The following GPC4 variants were observed in gnomAD, a reference collection of about 807,000 sequenced individuals.
The protein encoded by GPC4 is glypican 4.
GPC4 carries 10 observed loss-of-function variants against 35.0 expected under a neutral mutation model. The observed-to-expected ratio is 0.29, with a 90% CI of 0.18 to 0.48. The LOEUF is 0.48. Ranked by LOEUF, GPC4 falls within the 20% of genes least tolerant of loss-of-function variation. GPC4 has a pLI of 0.99. For missense variants in GPC4, 322 were observed against 451.3 expected, an observed-to-expected ratio of 0.71 and a Z score of 2.60; for synonymous variants, 167 against 170.2, an observed-to-expected ratio of 0.98 and a Z score of 0.15.
intron 1 of GPC4, among the ~76,000 whole-genome samples, chrX:133,343,134 C>G (rs1033014462): frequency 4.5e-5 from 5 of 111,731 alleles, no homozygotes; most frequent in African/African-American, 1.6e-4. Flanking sequence ...AACAAGGGCT[C>G]TAGGTGATTC....
At position 133,301,414 on chromosome X, in the gene GPC4, G is replaced by C. The variant is rs1313633511; in HGVS notation, c.*1453C>G. On this transcript the variant is annotated 3_prime_UTR_variant, in exon 9 of 9. Coordinates refer to ENST00000370828, the MANE Select transcript of GPC4 (RefSeq NM_001448.3). ...ATCAGAGTTTTATGAGCTATCATTT[G>C]GTAAGGACACAAGGAAGGGATTCCC... The C allele has an allele frequency of 8.9e-6, 1 of 112,571 alleles. No individual in the cohort carries two copies. The highest frequency in any genetic ancestry group is 3.2e-5 in the African/African-American group (1 of 30,980). The allele number at this position is 112,571 out of a possible 1,213,427, so 9.3% of individuals were successfully genotyped here. A position where few individuals can be genotyped will look rare whatever the true frequency, so the allele number is the denominator to read the frequency against.
chrX:133,333,444 C>T (rs1453517845), intron 2 of GPC4, among the ~76,000 whole-genome samples: 5 of 112,774 alleles, frequency 4.4e-5, no homozygotes, highest in Non-Finnish European at 7.5e-5. Flanking sequence ...CAATTGGTCA[C>T]ACTTCAGATA....
At chrX:133,413,749 G>A (rs1240154851) in intron 1 of GPC4, among the ~76,000 whole-genome samples, 1 of 112,155 alleles carries the variant, frequency 8.9e-6, no homozygotes, top group African/African-American at 3.2e-5. Context: ...CGGCCGGCGG[G>A]GCTGCGCGCA....
chrX:133,374,930 C>G (rs2068627250), intron 1 of GPC4, among the ~76,000 whole-genome samples: 1 of 112,049 alleles, frequency 8.9e-6, no homozygotes, highest in Admixed American at 9.5e-5. Context: ...CCCCAGCAAC[C>G]TTCAGGTTTG....
intron 1 of GPC4, among the ~76,000 whole-genome samples, chrX:133,349,334 G>A (rs544333594): frequency 1.8e-5 from 2 of 112,274 alleles, no homozygotes; most frequent in African/African-American, 6.5e-5. Context: ...CTCCCCTAGG[G>A]GCTGAATCAA....
At chrX:133,386,136 G>A (rs1013111165) in intron 1 of GPC4, among the ~76,000 whole-genome samples, 6 of 108,479 alleles carry the variant, frequency 5.5e-5, no homozygotes. Context: ...TTGGGAGACT[G>A]AGGTGGGAGG....
At chrX:133,387,743 T>G (rs2068698717) in intron 1 of GPC4, among the ~76,000 whole-genome samples, 1 of 111,715 alleles carries the variant, frequency 9.0e-6, no homozygotes, top group South Asian at 3.8e-4. Flanking sequence ...TAATCATACT[T>G]CGAAATGTTT....
chrX:133,334,247 T>C (rs1048172204), intron 2 of GPC4, among the ~76,000 whole-genome samples: 1 of 112,007 alleles, frequency 8.9e-6, no homozygotes, highest in African/African-American at 3.2e-5. Flanking sequence ...CTGCTAAGTC[T>C]GAAGAGTGCT....
chrX:133,311,549 A>G, intron 3 of GPC4, 126 bp from the exon 4 acceptor site: 1 of 635,473 alleles, frequency 1.6e-6, no homozygotes, highest in Non-Finnish European at 2.6e-6. Flanking sequence ...GATCACAATT[A>G]GTAAGCCTGG....
At chrX:133,303,141 G>A (rs751043440) in intron 8 of GPC4, 25 bp downstream of exon 8, 23 of 1,206,280 alleles carry the variant, frequency 1.9e-5, no homozygotes, top group South Asian at 5.3e-5. Context: ...AGAGCAATTC[G>A]TACTTTCAAA....
At chrX:133,354,058 A>G (rs1437668242) in intron 1 of GPC4, among the ~76,000 whole-genome samples, 2 of 111,876 alleles carry the variant, frequency 1.8e-5, no homozygotes, top group Non-Finnish European at 3.8e-5. Context: ...AAATTCAAGG[A>G]CCTAATTTTG....
chrX:133,368,189 T>C (rs2068598074), intron 1 of GPC4, among the ~76,000 whole-genome samples: 2 of 112,804 alleles, frequency 1.8e-5, no homozygotes, highest in African/African-American at 6.4e-5. Flanking sequence ...AAACATGGCA[T>C]ACCTGTTAAA....
At position 133,304,660 on chromosome X, in the gene GPC4, C is replaced by G. The variant is rs762493703; in HGVS notation, c.1292+65G>C. On this transcript the variant is annotated intron_variant, in intron 7 of 8. Transcript: ENST00000370828. The stretch of plus-strand genomic sequence containing the variant: ...GCCTCGGTTGACAATTGAGAGAACC[C>G]TCTCTGAAGGTCACCCAGGCATCTA... 3 of 1,166,444 alleles carry G rather than the reference C, an allele frequency of 2.6e-6. No individual in the cohort carries two copies. The African/African-American group carries it at 5.3e-5, about 21-fold the overall frequency.
Position 133,305,935 on chromosome X carries a change from G to A in GPC4, c.1009-17C>T. 8 of 1,211,014 alleles carry A rather than the reference G, an allele frequency of 6.6e-6. No individual in the cohort carries two copies. The highest frequency in any genetic ancestry group is 7.8e-6 in the Non-Finnish European group (7 of 895,045). ...CTGGAAAACCTGCATTAGAGTAAGT[G>A]TCGTCATGTTAGGGAAGTCACTCCC... On this transcript the variant is annotated splice_polypyrimidine_tract_variant and intron_variant, in intron 5 of 8. Coordinates refer to ENST00000370828, the MANE Select transcript of GPC4 (RefSeq NM_001448.3).
At chrX:133,326,372 A>G (rs1231791260) in intron 2 of GPC4, among the ~76,000 whole-genome samples, 1 of 111,762 alleles carries the variant, frequency 8.9e-6, no homozygotes, top group Non-Finnish European at 1.9e-5. Flanking sequence ...CATCACTTGG[A>G]CACTTGCTAT....
chrX:133,395,916 G>C (rs2068740741), intron 1 of GPC4, among the ~76,000 whole-genome samples: 1 of 111,499 alleles, frequency 9.0e-6, no homozygotes, highest in Non-Finnish European at 1.9e-5. Context: ...AGAGATATGA[G>C]ATGAGAAAGG....
At chrX:133,400,275 C>A (rs753412018) in intron 1 of GPC4, among the ~76,000 whole-genome samples, 16 of 112,049 alleles carry the variant, frequency 1.4e-4, no homozygotes, top group Non-Finnish European at 2.6e-4. Flanking sequence ...TGGCCATTCA[C>A]TGGGGGCGGG....
chrX:133,347,477 T>C (rs933736002), intron 1 of GPC4, among the ~76,000 whole-genome samples: 1 of 110,066 alleles, frequency 9.1e-6, no homozygotes, highest in Non-Finnish European at 1.9e-5. Flanking sequence ...ATTTTTATTG[T>C]TCTAAACGTA....
intron 1 of GPC4, chrX:133,414,384 T>G: frequency 5.8e-4 from 72 of 124,424 alleles, no homozygotes; most frequent in Middle Eastern, 5.5e-3. Flanking sequence ...CCACCCGGCC[T>G]CTCCTCACCC....
Sources: allele counts gnomAD v4.1 joint callset (sites outside exome capture counted in the v4.1 genomes callset), GRCh38; gene constraint gnomAD v4.1.1; transcripts MANE v1.5; gene names NCBI Gene and HGNC (gene_info 2026-07-23, HGNC 2026-07-21).